LRMDA: variants seen among roughly 807,000 people sequenced by gnomAD.
The protein encoded by LRMDA is leucine-rich melanocyte differentiation-associated protein.
A neutral mutation model predicts 29.8 loss-of-function variants in LRMDA; 18 were observed. That is an observed-to-expected ratio of 0.60 (90% CI 0.42 to 0.90). The LOEUF is 0.90. LRMDA is among the 40% of genes least tolerant of loss of function. The pLI is 0.00. For synonymous variants in LRMDA, 125 were observed against 109.4 expected, an observed-to-expected ratio of 1.14 and a Z score of -0.89; for missense variants, 273 against 273.9, an observed-to-expected ratio of 1.00 and a Z score of 0.02.
At chr10:75,483,482 C>A (rs1417117628) in intron 2 of LRMDA, among the ~76,000 whole-genome samples, 4 of 152,086 alleles carry the variant, frequency 2.6e-5, no homozygotes, top group East Asian at 1.9e-4. Context: ...GGCTTGGAGT[C>A]AAAGGACACA....
At chr10:76,105,981 A>G (rs1447667423) in intron 5 of LRMDA, among the ~76,000 whole-genome samples, 5 of 152,120 alleles carry the variant, frequency 3.3e-5, no homozygotes, top group Non-Finnish European at 7.4e-5. Context: ...TCCTGACCTC[A>G]GGTAATCCAC....
chr10:75,773,120 G>A (rs566742776), intron 2 of LRMDA, among the ~76,000 whole-genome samples: 1 of 152,196 alleles, frequency 6.6e-6, no homozygotes, highest in East Asian at 1.9e-4. Context: ...TTGTTATGGG[G>A]GACTGTCTCA....
At chr10:75,914,762 C>T (rs564071486) in intron 2 of LRMDA, among the ~76,000 whole-genome samples, 2 of 152,260 alleles carry the variant, frequency 1.3e-5, no homozygotes, top group South Asian at 4.1e-4. Context: ...TAATTATAGA[C>T]AAATTTCTCA....
rs1055215373 is a variant in LRMDA at position 76,303,544 on chromosome 10, G to A, written c.517-20857G>A. Among the ~76,000 whole-genome samples, 7 of 152,114 alleles carry A rather than the reference G, an allele frequency of 4.6e-5. No homozygotes were observed. The East Asian group carries it at 5.8e-4, about 13-fold the overall frequency. ...CTCTTCTTTCTTACTGCACACAGGC[G>A]CGCACATGAGGCCTTAACTCCCTTC... On this transcript the variant is annotated intron_variant, in intron 5 of 6. Transcript: ENST00000611255.
At chr10:76,482,292 T>C (rs1030609049) in intron 6 of LRMDA, among the ~76,000 whole-genome samples, 1 of 151,942 alleles carries the variant, frequency 6.6e-6, no homozygotes, top group Admixed American at 6.6e-5. Flanking sequence ...TGAACAGACC[T>C]GCAACCAGTA....
intron 2 of LRMDA, among the ~76,000 whole-genome samples, chr10:76,024,979 G>A (rs536004429): frequency 5.3e-5 from 8 of 152,216 alleles, no homozygotes; most frequent in African/African-American, 1.2e-4. Context: ...CCATGGCTGC[G>A]GTACACCGTG....
chr10:76,027,458 A>AT (rs1055851084), intron 2 of LRMDA, among the ~76,000 whole-genome samples: 9 of 152,230 alleles, frequency 5.9e-5, no homozygotes, highest in African/African-American at 2.2e-4. Flanking sequence ...AAAATGACTG[A>AT]TAAACTCCTT....
chr10:75,949,110 G>C (rs144944590), intron 2 of LRMDA, among the ~76,000 whole-genome samples: 9 of 152,054 alleles, frequency 5.9e-5, no homozygotes, highest in African/African-American at 2.2e-4. Flanking sequence ...TTGCTGCAGC[G>C]TACTAGCATG....
chr10:76,143,644 C>T (rs916374542), intron 5 of LRMDA, among the ~76,000 whole-genome samples: 1 of 152,056 alleles, frequency 6.6e-6, no homozygotes, highest in African/African-American at 2.4e-5. Context: ...CTGTAGGTTG[C>T]CTGTTCACTC....
chr10:75,586,523 A>G (rs1165983001), intron 2 of LRMDA, among the ~76,000 whole-genome samples: 1 of 151,488 alleles, frequency 6.6e-6, no homozygotes, highest in Non-Finnish European at 1.5e-5. Flanking sequence ...ATGCCTGGCT[A>G]ATTTTTGTAT....
chr10:76,505,576 G>A (rs915476985), intron 6 of LRMDA, among the ~76,000 whole-genome samples: 2 of 152,046 alleles, frequency 1.3e-5, no homozygotes, highest in Non-Finnish European at 2.9e-5. Context: ...ATTGTATTAT[G>A]AAATTCTCAT....
intron 5 of LRMDA, among the ~76,000 whole-genome samples, chr10:76,111,644 T>A (rs2132113930): frequency 6.6e-6 from 1 of 152,276 alleles, no homozygotes; most frequent in African/African-American, 2.4e-5. Flanking sequence ...TTTTGAAGAG[T>A]TTGTATAATT....
intron 6 of LRMDA, among the ~76,000 whole-genome samples, chr10:76,542,551 C>T (rs945605607): frequency 1.3e-5 from 2 of 152,164 alleles, no homozygotes; most frequent in African/African-American, 2.4e-5. Context: ...TGTCTGCGTT[C>T]AGTGAGTCTA....
intron 5 of LRMDA, among the ~76,000 whole-genome samples, chr10:76,113,627 A>C (rs1849616558): frequency 6.6e-6 from 1 of 152,126 alleles, no homozygotes; most frequent in South Asian, 2.1e-4. Flanking sequence ...CATAGCAGAA[A>C]GGGCAGTGCT....
intron 2 of LRMDA, among the ~76,000 whole-genome samples, chr10:75,700,198 A>G (rs1004472015): frequency 2.6e-5 from 4 of 151,984 alleles, no homozygotes; most frequent in Non-Finnish European, 5.9e-5. Flanking sequence ...CTTTTGAGCT[A>G]TGATTCATTT....
chr10:75,644,330 C>CACTG (rs1841489540), intron 2 of LRMDA, among the ~76,000 whole-genome samples: 1 of 152,204 alleles, frequency 6.6e-6, no homozygotes, highest in Non-Finnish European at 1.5e-5. Context: ...GGGGTTAATA[C>CACTG]ACTGACTAAT....
chr10:75,740,507 C>T (rs538175280), intron 2 of LRMDA, among the ~76,000 whole-genome samples: 1 of 152,252 alleles, frequency 6.6e-6, no homozygotes, highest in African/African-American at 2.4e-5. Context: ...CCCAGGGCCC[C>T]TCTGTGACCA....
intron 2 of LRMDA, among the ~76,000 whole-genome samples, chr10:75,916,276 T>A (rs1189522478): frequency 6.6e-6 from 1 of 151,804 alleles, no homozygotes; most frequent in African/African-American, 2.4e-5. Flanking sequence ...AAGCACCAAG[T>A]ACCAAGGAGG....
intron 5 of LRMDA, among the ~76,000 whole-genome samples, chr10:76,252,484 C>G (rs1280555230): frequency 6.6e-6 from 1 of 152,138 alleles, no homozygotes; most frequent in African/African-American, 2.4e-5. Flanking sequence ...CCCAGCTAAA[C>G]AAAACACCAC....
Sources: gnomAD v4.1 joint callset for allele counts (sites outside exome capture counted in the v4.1 genomes callset) on GRCh38, gnomAD v4.1.1 for gene constraint, MANE v1.5 for transcripts, NCBI Gene and HGNC (gene_info 2026-07-23, HGNC 2026-07-21) for gene names.